MYH7: variants seen among roughly 807,000 people sequenced by gnomAD.
MYH7 encodes the protein myosin-7.
Under a neutral mutation model 225.4 loss-of-function variants are expected in MYH7, and 129 were observed. The ratio of observed to expected loss-of-function variants is 0.57; its 90% CI spans 0.50 to 0.66. The LOEUF (loss-of-function observed/expected upper bound fraction) is 0.66, where lower values mean the gene tolerates loss of function less well. Ranked by LOEUF, MYH7 falls within the 30% of genes least tolerant of loss-of-function variation. The probability of loss-of-function intolerance (pLI) is 0.00; values close to 1 mark genes in which losing one functional copy is unlikely to be tolerated. For synonymous variants in MYH7, 971 were observed against 1,007.6 expected, an observed-to-expected ratio of 0.96 and a Z score of 0.69; for missense variants, 1,649 against 2,517.0, an observed-to-expected ratio of 0.66 and a Z score of 7.38.
chr14:23,416,227 G>A lies in MYH7; in HGVS notation c.4730C>T (p.Ala1577Val). Residue 1577 changes from alanine (A) to valine (V), a missense_variant, in exon 34 of 40, where the codon GCA (alanine) becomes GTA (valine). Around this residue, in one of 12 missense-constraint regions of MYH7, gnomAD observed 687 missense variants for 913.8 expected, o/e 0.75. Coordinates refer to ENST00000355349, the MANE Select transcript of MYH7 (RefSeq NM_000257.4). ...CTGTTCCATCTCCTCGTCCTTCTCT[G>A]CCAGCTTCCGCTCGATCTCTGCCTT... ...QIKAEIERKL[A>V]EKDEEMEQAK... 9.3e-6 allele frequency: 15 copies of A among 1,613,996 alleles called. No individual in the cohort carries two copies. The highest frequency in any genetic ancestry group is 1.3e-5 in the Non-Finnish European group (15 of 1,179,998).
At position 23,432,801 on chromosome 14, in the gene MYH7, G is replaced by T; in HGVS notation, c.346-6C>A. The T allele has an allele frequency of 6.2e-7, 1 of 1,614,178 alleles. No homozygotes were observed. Among genetic ancestry groups the T allele is most frequent in the South Asian group, 1.1e-5 (1 of 91,088 alleles). On this transcript the variant is annotated splice_polypyrimidine_tract_variant and splice_region_variant and intron_variant, in intron 4 of 39. Transcript: ENST00000355349. The stretch of plus-strand genomic sequence containing the variant: ...CAGAAGAGGCCCGAGTAGGTCTGGG[G>T]ATAGAAAAGGAGCAGTGACTTGCCA...
intron 9 of MYH7, 29 bp downstream of exon 9, chr14:23,431,389 G>C (rs771326514): frequency 6.2e-7 from 1 of 1,608,818 alleles, no homozygotes; most frequent in Non-Finnish European, 8.5e-7. Flanking sequence ...GTGAGCTTAG[G>C]CTGAGCCTAG....
chr14:23,435,389 C>T (rs1422918359), intron 1 of MYH7, among the ~76,000 whole-genome samples: 1 of 152,044 alleles, frequency 6.6e-6, no homozygotes, highest in Non-Finnish European at 1.5e-5. Flanking sequence ...CACACACACA[C>T]ACACACACAC....
Position 23,425,971 on chromosome 14 carries a change from G to A in MYH7, c.2155C>T (p.Arg719Trp), listed in dbSNP as rs121913637. The A allele has an allele frequency of 3.1e-6, 5 of 1,613,700 alleles. No homozygotes were observed. Among genetic ancestry groups the A allele is most frequent in the African/African-American group, 1.3e-5 (1 of 74,912 alleles). Residue 719 changes from arginine (R) to tryptophan (W), a missense_variant, in exon 19 of 40, where the codon CGG (arginine) becomes TGG (tryptophan). Arg to Trp is a moderately radical substitution (Grantham distance 101). Around this residue, in one of 12 missense-constraint regions of MYH7, gnomAD observed 41 missense variants for 124.8 expected, o/e 0.33. Transcript: ENST00000355349. This position sits in a 1 kb window ranked among gnomAD's most constrained non-coding sequence, Gnocchi z 4.6. ...FPNRILYGDF[R>W]QRYRILNPAA... ...GTGCACCCTCATACCCACCTCTGCCGGAAGTCCCCGTAGAGGATGCGGTTG... is the reference window on the plus strand; with the variant it reads ...GTGCACCCTCATACCCACCTCTGCCAGAAGTCCCCGTAGAGGATGCGGTTG...
Position 23,432,133 on chromosome 14 carries a change from G to A in MYH7, c.531-264C>T, listed in dbSNP as rs144574932. On this transcript the variant is annotated intron_variant, in intron 6 of 39. Transcript: ENST00000355349. Reference sequence around the variant, plus strand: ...AAGTAAACAGGGGAGATGGGCCTGGGCTGTTTTGGGAAAAGTTGGTAGGGC... The same window carrying A: ...AAGTAAACAGGGGAGATGGGCCTGGACTGTTTTGGGAAAAGTTGGTAGGGC... 2.7e-3 allele frequency among the ~76,000 whole-genome samples: 415 copies of A among 152,358 alleles called. 2 individuals are homozygous for A. The highest frequency in any genetic ancestry group is 4.6e-3 in the Non-Finnish European group (312 of 68,032).
chr14:23,424,713 G>A, intron 22 of MYH7, 56 bp downstream of exon 22: 2 of 1,610,816 alleles, frequency 1.2e-6, no homozygotes, highest in Non-Finnish European at 1.7e-6. Context: ...GTGCAGGGTT[G>A]TGGGAAGTGA....
In MYH7 at chr14:23,416,869, T is replaced by G. The variant is rs730880804; in HGVS notation, c.4643A>C (p.Glu1548Ala). 1 of 1,614,058 alleles carries G rather than the reference T, an allele frequency of 6.2e-7. No homozygotes were observed. The change falls in exon 33 of 40, where the codon GAG (glutamate) becomes GCG (alanine). Residue 1548 changes from glutamate to alanine, a missense_variant and splice_region_variant. This residue lies in a region of MYH7 where 687 missense variants were observed against 913.8 expected (regional missense o/e 0.75). Coordinates refer to ENST00000355349, the MANE Select transcript of MYH7 (RefSeq NM_000257.4). ...MELQSALEEA[E>A]ASLEHEEGKI... is the part of the protein sequence containing the mutation. ...CCCGTGCCCTGCACACACACACACC[T>G]CGGCCTCCTCCAGGGCTGACTGCAG...
intron 27 of MYH7, 72 bp downstream of exon 27, chr14:23,419,773 A>G (rs544976606): frequency 1.2e-6 from 2 of 1,613,194 alleles, no homozygotes; most frequent in East Asian, 4.5e-5. Context: ...CCATGAAGGA[A>G]GAGACACTAC....
rs2138686468 is a variant in MYH7 at position 23,433,540 on chromosome 14, A to G, written c.193T>C (p.Tyr65His). The G allele has an allele frequency of 8.1e-6, 13 of 1,613,938 alleles. No individual in the cohort carries two copies. Among genetic ancestry groups the G allele is most frequent in the Non-Finnish European group, 1.1e-5 (13 of 1,180,002 alleles). The change falls in exon 3 of 40, where the codon TAT becomes CAT. Residue 65 changes from tyrosine to histidine, a missense_variant. Around this residue, in one of 12 missense-constraint regions of MYH7, gnomAD observed 91 missense variants for 96.5 expected, o/e 0.94. Coordinates refer to ENST00000355349, the MANE Select transcript of MYH7 (RefSeq NM_000257.4). This position sits in a 1 kb window ranked among gnomAD's most constrained non-coding sequence, Gnocchi z 4.1. ...EGGKVTAETEYGKTVTVKEDQ... is the reference protein window; with the variant it reads ...EGGKVTAETEHGKTVTVKEDQ... ...ATCAGCCTGACACCCACCTTGCCAT[A>G]CTCGGTCTCGGCAGTGACTTTGCCA...
Position 23,431,347 on chromosome 14 carries a change from G to C in MYH7, c.796+71C>G, listed in dbSNP as rs557489078. 209 of 1,451,136 alleles carry C rather than the reference G, an allele frequency of 1.4e-4. No homozygotes were observed. In the African/African-American group the frequency reaches 2.4e-3, roughly 17 times the overall value. The allele number at this position is 1,451,136 out of a possible 1,614,324, so 89.9% of individuals were successfully genotyped here. A position where few individuals can be genotyped will look rare whatever the true frequency, so the allele number is the denominator to read the frequency against. On this transcript the variant is annotated intron_variant, in intron 9 of 39. Transcript: ENST00000355349. ...AACAGAGGGAGGGAGGGGAGAGAGA[G>C]AGAGGTCAAGACCAGATGGTCTAGA...
At chr14:23,419,456 A>G (rs2277475) in intron 28 of MYH7, 27 bp downstream of exon 28, 1 of 1,612,794 alleles carries the variant, frequency 6.2e-7, no homozygotes, top group Middle Eastern at 1.7e-4. Context: ...TGTGGTGGGA[A>G]CCATGGAGCC....
chr14:23,417,058 C>T (rs987188456), intron 32 of MYH7, 66 bp from the exon 33 acceptor site: 1 of 1,613,956 alleles, frequency 6.2e-7, no homozygotes, highest in African/African-American at 1.3e-5. Flanking sequence ...AGGGACACGC[C>T]TCTTTGCCCA....
intron 16 of MYH7, 99 bp from the exon 17 acceptor site, chr14:23,427,406 C>T (rs1376039509): frequency 1.2e-5 from 18 of 1,525,790 alleles, no homozygotes; most frequent in Middle Eastern, 1.7e-4. Context: ...GGCATTTGGC[C>T]CCTGGGTGAG....
In MYH7 at chr14:23,427,237, C is replaced by A; in HGVS notation, c.1956+3G>T. On this transcript the variant is annotated splice_donor_region_variant and intron_variant, in intron 17 of 39. Transcript: ENST00000355349. ...AAGTTGGCTGGGGCTGTGTCCCACT[C>A]ACCCTGTGCAGAGCTGACACAGTCT... 2 of 1,613,640 alleles carry A rather than the reference C, an allele frequency of 1.2e-6. No homozygotes were observed. Among genetic ancestry groups the A allele is most frequent in the Non-Finnish European group, 1.7e-6 (2 of 1,180,010 alleles).
intron 27 of MYH7, 94 bp from the exon 28 acceptor site, chr14:23,419,703 G>A: frequency 3.7e-6 from 6 of 1,611,382 alleles, no homozygotes; most frequent in Non-Finnish European, 5.1e-6. Context: ...GAAGAGGGAA[G>A]GTGTGAAAAG....
intron 9 of MYH7, 113 bp from the exon 10 acceptor site, chr14:23,431,112 G>C: frequency 3.8e-6 from 3 of 791,374 alleles, no homozygotes; most frequent in Non-Finnish European, 2.2e-6. Flanking sequence ...GAGCCAGAGA[G>C]ACTAGTTGGA....
At chr14:23,420,358 G>A in intron 26 of MYH7, 124 bp from the exon 27 acceptor site, 1 of 1,521,694 alleles carries the variant, frequency 6.6e-7, no homozygotes, top group Non-Finnish European at 8.8e-7. Flanking sequence ...TGGAGAGGTG[G>A]GAATTAAAGG....
rs397516259 is a variant in MYH7 at position 23,431,790 on chromosome 14, G to A, written c.610C>T (p.Arg204Cys). The A allele has an allele frequency of 8.7e-6, 14 of 1,614,106 alleles. No homozygotes were observed. The highest frequency in any genetic ancestry group is 4.5e-5 in the East Asian group (2 of 44,894). Residue 204 changes from arginine to cysteine, a missense_variant, in exon 7 of 40, where the codon CGC becomes TGC. Physicochemically the swap from Arg to Cys is radical, Grantham distance 180 (BLOSUM62 -3). Around this residue, in one of 12 missense-constraint regions of MYH7, gnomAD observed 131 missense variants for 231.3 expected, o/e 0.57. Transcript: ENST00000355349. The part of the protein sequence containing the change: ...YFAVIAAIGD[R>C]SKKDQSPGKG... ...CCCGGGCTCTGGTCCTTCTTGCTGC[G>A]GTCCCCAATGGCTGCAATAACAGCA...
chr14:23,425,461 G>T lies in MYH7; in HGVS notation c.2287-43C>A. 6.2e-7 allele frequency: 1 copy of T among 1,613,706 alleles called. No homozygotes were observed. The highest frequency in any genetic ancestry group is 8.5e-7 in the Non-Finnish European group (1 of 1,179,998). ...GTTGGCCATGACTAGGGAGGGGTACGAGGGAAAGAGATGGTGGGGATTACC... is the reference window on the plus strand; with the variant it reads ...GTTGGCCATGACTAGGGAGGGGTACTAGGGAAAGAGATGGTGGGGATTACC... On this transcript the variant is annotated intron_variant, in intron 20 of 39. Coordinates refer to ENST00000355349, the MANE Select transcript of MYH7 (RefSeq NM_000257.4). This position sits in a 1 kb window ranked among gnomAD's most constrained non-coding sequence, Gnocchi z 4.6.
Sources: allele counts gnomAD v4.1 joint callset (sites outside exome capture counted in the v4.1 genomes callset), GRCh38; gene constraint gnomAD v4.1.1; regional missense constraint gnomAD v4.1.1; non-coding constraint Gnocchi (gnomAD v3.1); transcripts MANE v1.5; gene names NCBI Gene and HGNC (gene_info 2026-07-23, HGNC 2026-07-21).